CDH8: variants seen among roughly 807,000 people sequenced by gnomAD.
The protein encoded by CDH8 is cadherin-8.
CDH8 carries 17 observed loss-of-function variants against 68.1 expected under a neutral mutation model. The observed-to-expected ratio is 0.25, with a 90% confidence interval of 0.17 to 0.37. The LOEUF is 0.37. Among genes scored for constraint, CDH8 ranks in the 10% least tolerant of loss-of-function variants. The pLI is 1.00. For synonymous variants in CDH8, 372 were observed against 365.1 expected, an observed-to-expected ratio of 1.02 and a Z score of -0.21; for missense variants, 763 against 999.3, an observed-to-expected ratio of 0.76 and a Z score of 3.19.
chr16:61,835,331 T>C (rs140577757), intron 4 of CDH8, among the ~76,000 whole-genome samples: 1 of 151,974 alleles, frequency 6.6e-6, no homozygotes, highest in Non-Finnish European at 1.5e-5. Context: ...TACAGCTTCT[T>C]AATTATCCCA....
intron 7 of CDH8, 58 bp from the exon 8 acceptor site, chr16:61,789,540 C>A: frequency 6.8e-7 from 1 of 1,476,894 alleles, no homozygotes; most frequent in South Asian, 1.3e-5. Flanking sequence ...ATACATTCCA[C>A]AGCAGACCTT....
intron 4 of CDH8, among the ~76,000 whole-genome samples, chr16:61,834,982 C>G (rs1046051450): frequency 1.2e-4 from 18 of 151,890 alleles, no homozygotes; most frequent in African/African-American, 4.3e-4. Context: ...AACTCCATGT[C>G]TGATAAAAAG....
intron 9 of CDH8, among the ~76,000 whole-genome samples, chr16:61,717,615 T>C (rs915175564): frequency 1.1e-4 from 17 of 151,532 alleles, no homozygotes; most frequent in South Asian, 1.0e-3. Flanking sequence ...AGCAAAGAAA[T>C]ACATTTTTGA....
intron 2 of CDH8, among the ~76,000 whole-genome samples, chr16:61,959,974 G>T (rs62052041): frequency 4.6e-5 from 2 of 43,302 alleles, no homozygotes; most frequent in African/African-American, 1.1e-4. Flanking sequence ...TGGTGTATGT[G>T]TGTGTGTGTG....
chr16:61,781,822 T>C (rs1383789380), intron 8 of CDH8, among the ~76,000 whole-genome samples: 1 of 152,174 alleles, frequency 6.6e-6, no homozygotes, highest in African/African-American at 2.4e-5. Context: ...TCTTTCTAAA[T>C]GAGGTTAACA....
At chr16:61,777,202 G>A (rs1435558471) in intron 8 of CDH8, among the ~76,000 whole-genome samples, 1 of 152,192 alleles carries the variant, frequency 6.6e-6, no homozygotes, top group South Asian at 2.1e-4. Flanking sequence ...AGCCTGAGGG[G>A]TAAATCAACC....
intron 2 of CDH8, among the ~76,000 whole-genome samples, chr16:61,981,681 T>TGTGTGCGCGCGC (rs747443852): frequency 1.4e-5 from 2 of 141,756 alleles, no homozygotes; most frequent in African/African-American, 5.6e-5. Flanking sequence ...TGTGTGTGTG[T>TGTGTGCGCGCGC]GCGCGCGCGC....
rs559252123 is a variant in CDH8, at chr16:61,651,475, C to G, written c.*2133G>C. The G allele has an allele frequency of 6.6e-6, 1 of 152,304 alleles. No homozygotes were observed. Among genetic ancestry groups the G allele is most frequent in the African/African-American group, 2.4e-5 (1 of 41,570 alleles). 9.4% of individuals were successfully genotyped at this position (152,304 alleles called of 1,614,324 possible). A position where few individuals can be genotyped will look rare whatever the true frequency, so the allele number is the denominator to read the frequency against. On this transcript the variant is annotated 3_prime_UTR_variant, in exon 12 of 12. Transcript: ENST00000577390. ...GTATTTAAACATGCAGTTTCTGTCA[C>G]AGTGAAGGTGGCCTCTAGAAGTTGG... is the stretch of plus-strand genomic sequence containing the variant.
chr16:61,779,460 T>TGC (rs1567466526), intron 8 of CDH8, among the ~76,000 whole-genome samples: 3 of 143,306 alleles, frequency 2.1e-5, no homozygotes, highest in Non-Finnish European at 4.7e-5. Context: ...TGTGTGTGTG[T>TGC]GTGTGCGCGC....
rs1181394965 is a variant in CDH8 at position 61,959,984 on chromosome 16, G to GTATATATATATATATATATA, written c.253-58531_253-58512dup. On this transcript the variant is annotated intron_variant, in intron 2 of 11. Coordinates refer to ENST00000577390, the MANE Select transcript of CDH8 (RefSeq NM_001796.5). ...GTATGTGGTGTATGTGTGTGTGTGT[G>GTATATATATATATATATATA]TATATATATATATATATATATATAT... Among the ~76,000 whole-genome samples the GTATATATATATATATATATA allele has an allele frequency of 8.5e-4, 38 of 44,524 alleles. 2 individuals are homozygous for GTATATATATATATATATATA. Among genetic ancestry groups the GTATATATATATATATATATA allele is most frequent in the East Asian group, 2.3e-3 (2 of 878 alleles). 29.2% of individuals were successfully genotyped at this position (44,524 alleles called of 152,430 possible).
At chr16:61,753,525 C>T (rs557960776) in intron 8 of CDH8, among the ~76,000 whole-genome samples, 1 of 152,246 alleles carries the variant, frequency 6.6e-6, no homozygotes, top group East Asian at 1.9e-4. Context: ...TAGGCATGAG[C>T]CACCACACAC....
chr16:61,922,148 C>T (rs1176378938), intron 2 of CDH8, among the ~76,000 whole-genome samples: 5 of 152,160 alleles, frequency 3.3e-5, no homozygotes, highest in Non-Finnish European at 5.9e-5. Context: ...TGTGTGCACA[C>T]AGCCCCAATA....
rs1963258108 is a variant in CDH8, at chr16:61,648,717, A to T, written c.*4891T>A. On this transcript the variant is annotated 3_prime_UTR_variant, in exon 12 of 12. Coordinates refer to ENST00000577390, the MANE Select transcript of CDH8 (RefSeq NM_001796.5). ...TACTGTATTTAATCTTTCTGTATCA[A>T]CCATGTAGCTTAATTTCTGTACTGA... The T allele has an allele frequency of 6.6e-6, 1 of 151,980 alleles. No individual in the cohort carries two copies. The highest frequency in any genetic ancestry group is 1.5e-5 in the Non-Finnish European group (1 of 67,932). 9.4% of individuals were successfully genotyped at this position (151,980 alleles called of 1,614,324 possible).
chr16:61,795,036 A>G (rs1186086581), intron 7 of CDH8, among the ~76,000 whole-genome samples: 2 of 151,834 alleles, frequency 1.3e-5, no homozygotes, highest in East Asian at 1.9e-4. Context: ...AGCTGCCACT[A>G]TACATTCCAC....
chr16:61,899,840 ACAC>A (rs1567519583), intron 3 of CDH8, among the ~76,000 whole-genome samples: 1 of 148,636 alleles, frequency 6.7e-6, no homozygotes, highest in African/African-American at 2.5e-5. Context: ...AGACACACAC[ACAC>A]ACACACACAC....
rs1362827113 is a variant in CDH8, at chr16:61,933,320, A to G, written c.253-31847T>C. On this transcript the variant is annotated intron_variant, in intron 2 of 11. Coordinates refer to ENST00000577390, the MANE Select transcript of CDH8 (RefSeq NM_001796.5). ...AAGAGGAGAGGCTGTATTTGCAGGC[A>G]GTAGGCTGTTTGTGGGCATCGTATA... is the stretch of plus-strand genomic sequence containing the variant. Among the ~76,000 whole-genome samples the G allele has an allele frequency of 2.6e-5, 4 of 152,218 alleles. No homozygotes were observed. The East Asian group carries it at 5.8e-4, about 22-fold the overall frequency.
At chr16:61,918,972 A>C (rs1964307195) in intron 2 of CDH8, among the ~76,000 whole-genome samples, 1 of 147,764 alleles carries the variant, frequency 6.8e-6, no homozygotes, top group African/African-American at 2.5e-5. Flanking sequence ...GAGATCTGAG[A>C]ACCGGCAGAC....
At chr16:61,893,844 G>A (rs1963822927) in intron 3 of CDH8, among the ~76,000 whole-genome samples, 1 of 152,074 alleles carries the variant, frequency 6.6e-6, no homozygotes, top group East Asian at 1.9e-4. Context: ...AAATACACAA[G>A]CAAATTAATG....
intron 8 of CDH8, among the ~76,000 whole-genome samples, chr16:61,745,269 T>G (rs1318397897): frequency 6.6e-6 from 1 of 152,032 alleles, no homozygotes; most frequent in Non-Finnish European, 1.5e-5. Flanking sequence ...CTTAATTTTT[T>G]GGGTTAATTT....
Sources: allele counts gnomAD v4.1 joint callset (sites outside exome capture counted in the v4.1 genomes callset), GRCh38; gene constraint gnomAD v4.1.1; transcripts MANE v1.5; gene names NCBI Gene and HGNC (gene_info 2026-07-23, HGNC 2026-07-21).